PITPNM3: variants seen among roughly 807,000 people sequenced by gnomAD.
PITPNM3 encodes PITPNM family member 3, also known as membrane-associated phosphatidylinositol transfer protein 3.
PITPNM3 carries 26 observed loss-of-function variants against 102.0 expected under a neutral mutation model. The observed-to-expected ratio is 0.25, with a 90% CI of 0.19 to 0.35. The LOEUF is 0.35. PITPNM3 is among the 10% of genes least tolerant of loss of function. PITPNM3 has a pLI of 1.00. For synonymous variants in PITPNM3, 578 were observed against 558.6 expected (o/e 1.03, Z -0.49); for missense variants, 1,083 against 1,346.1 (o/e 0.80, Z 3.06).
intron 3 of PITPNM3, among the ~76,000 whole-genome samples, chr17:6,508,747 C>G (rs1008109581): frequency 5.3e-5 from 8 of 152,166 alleles, no homozygotes; most frequent in Non-Finnish European, 8.8e-5. Flanking sequence ...GCTGGTGAGG[C>G]CACCGACGGG....
chr17:6,474,451 C>G lies in PITPNM3; in HGVS notation c.1239G>C (p.Thr413=). The change falls in exon 10 of 20, where the codon ACG becomes ACC. Residue 413 remains threonine (T), a synonymous_variant. Coordinates refer to ENST00000262483, the MANE Select transcript of PITPNM3 (RefSeq NM_031220.4). ...CCCTACCGTCCAGCCCAGGCAGCAC[C>G]GTCCTCCGCATGGCCAGGACCAGGC... The part of the protein sequence containing the change: ...PLGLVLAMRR[T]VLPGLDGFQV... 1 of 1,613,452 alleles carries G rather than the reference C, an allele frequency of 6.2e-7. No individual in the cohort carries two copies. The highest frequency in any genetic ancestry group is 8.5e-7 in the Non-Finnish European group (1 of 1,179,942).
At chr17:6,495,157 C>T (rs1187381178) in intron 4 of PITPNM3, among the ~76,000 whole-genome samples, 2 of 152,150 alleles carry the variant, frequency 1.3e-5, no homozygotes, top group Non-Finnish European at 2.9e-5. Context: ...ATAATCTTTT[C>T]TTCTAGGGAG....
chr17:6,543,637 C>T (rs926025738), intron 1 of PITPNM3, among the ~76,000 whole-genome samples: 4 of 152,212 alleles, frequency 2.6e-5, no homozygotes, highest in Admixed American at 1.3e-4. Flanking sequence ...TGGAACAGTC[C>T]CTGCCCTCAG....
At chr17:6,553,329 T>C (rs1910418216) in intron 1 of PITPNM3, among the ~76,000 whole-genome samples, 1 of 152,172 alleles carries the variant, frequency 6.6e-6, no homozygotes, top group Non-Finnish European at 1.5e-5. Flanking sequence ...TGAGAACTGG[T>C]AATAACCCAT....
At chr17:6,546,467 A>G (rs772485477) in intron 1 of PITPNM3, among the ~76,000 whole-genome samples, 1 of 152,224 alleles carries the variant, frequency 6.6e-6, no homozygotes, top group Non-Finnish European at 1.5e-5. Context: ...CCGTGGCCCA[A>G]ACCTCAACCT....
intron 1 of PITPNM3, among the ~76,000 whole-genome samples, chr17:6,552,969 A>G (rs575798528): frequency 6.6e-6 from 1 of 150,944 alleles, no homozygotes; most frequent in Non-Finnish European, 1.5e-5. Flanking sequence ...ACGGGGTTTC[A>G]CCGTGTTAGC....
chr17:6,482,810 T>C (rs1264361052), intron 6 of PITPNM3, among the ~76,000 whole-genome samples: 2 of 152,148 alleles, frequency 1.3e-5, no homozygotes, highest in African/African-American at 4.8e-5. Context: ...TTGACTGTTA[T>C]GGTGTGAGAG....
intron 2 of PITPNM3, among the ~76,000 whole-genome samples, chr17:6,533,245 A>T (rs566145449): frequency 6.6e-6 from 1 of 152,008 alleles, no homozygotes; most frequent in South Asian, 2.1e-4. Flanking sequence ...TACAGGCATG[A>T]GCGACCATGC....
chr17:6,494,483 C>A (rs1001056319), intron 4 of PITPNM3, among the ~76,000 whole-genome samples: 1 of 152,232 alleles, frequency 6.6e-6, no homozygotes, highest in Admixed American at 6.5e-5. Flanking sequence ...CCAGCCCATG[C>A]GCACCTGCAC....
intron 14 of PITPNM3, among the ~76,000 whole-genome samples, chr17:6,467,424 T>C (rs1028616119): frequency 1.2e-4 from 18 of 152,222 alleles, no homozygotes; most frequent in African/African-American, 3.4e-4. Flanking sequence ...AAACTGACCA[T>C]GGTAATGGTT....
chr17:6,476,005 AG>A (rs1905283802), intron 9 of PITPNM3, among the ~76,000 whole-genome samples: 1 of 152,244 alleles, frequency 6.6e-6, no homozygotes, highest in African/African-American at 2.4e-5. Context: ...TGTTCACTGT[AG>A]GGCTATTTAT....
intron 1 of PITPNM3, among the ~76,000 whole-genome samples, chr17:6,553,858 A>G (rs1910452752): frequency 6.6e-6 from 1 of 152,098 alleles, no homozygotes; most frequent in African/African-American, 2.4e-5. Flanking sequence ...CTTGGGCCTC[A>G]GTTTCCCCAG....
Position 6,452,507 on chromosome 17 carries a change from A to C in PITPNM3, c.*2831T>G, listed in dbSNP as rs1167172414. On this transcript the variant is annotated 3_prime_UTR_variant, in exon 20 of 20. Transcript: ENST00000262483. ...AAACAGCTGGATTGGGGGTCACAGAACTACTCAAGGAGAGGCAGCAGCACC... is the reference window on the plus strand; with the variant it reads ...AAACAGCTGGATTGGGGGTCACAGACCTACTCAAGGAGAGGCAGCAGCACC... 6.6e-6 allele frequency: 1 copy of C among 152,218 alleles called. No individual in the cohort carries two copies. The highest frequency in any genetic ancestry group is 1.5e-5 in the Non-Finnish European group (1 of 68,044). The allele number at this position is 152,218 out of a possible 1,614,324, so 9.4% of individuals were successfully genotyped here.
chr17:6,523,470 T>C (rs1294915562), intron 3 of PITPNM3, among the ~76,000 whole-genome samples: 1 of 152,112 alleles, frequency 6.6e-6, no homozygotes, highest in East Asian at 1.9e-4. Context: ...TGCTTCCTCG[T>C]CCCCTGCCCT....
At chr17:6,466,166 C>G (rs944616230) in intron 14 of PITPNM3, among the ~76,000 whole-genome samples, 3 of 152,212 alleles carry the variant, frequency 2.0e-5, no homozygotes, top group Non-Finnish European at 4.4e-5. Flanking sequence ...GTCCCGCCCC[C>G]CACACTGGCT....
chr17:6,487,678 G>T (rs1271798518), intron 4 of PITPNM3, among the ~76,000 whole-genome samples: 2 of 152,178 alleles, frequency 1.3e-5, no homozygotes, highest in Non-Finnish European at 2.9e-5. Context: ...GTTAGGTGGG[G>T]GCTGGACTCT....
At chr17:6,463,385 C>T (rs544190626) in intron 17 of PITPNM3, among the ~76,000 whole-genome samples, 2 of 93,458 alleles carry the variant, frequency 2.1e-5, no homozygotes, top group Admixed American at 1.1e-4. Flanking sequence ...CACAGGGGGC[C>T]TCAGAAAGCA....
chr17:6,503,035 C>A (rs1207080906), intron 4 of PITPNM3, among the ~76,000 whole-genome samples: 1 of 152,208 alleles, frequency 6.6e-6, no homozygotes, highest in Non-Finnish European at 1.5e-5. Context: ...TGAGGATCAT[C>A]ACCCCGGGCA....
At chr17:6,492,311 C>T (rs934296573) in intron 4 of PITPNM3, among the ~76,000 whole-genome samples, 1 of 152,136 alleles carries the variant, frequency 6.6e-6, no homozygotes, top group Non-Finnish European at 1.5e-5. Context: ...GATCTGCCCA[C>T]CTCAGCCTCC....
Sources: gnomAD v4.1 joint callset for allele counts (sites outside exome capture counted in the v4.1 genomes callset) on GRCh38, gnomAD v4.1.1 for gene constraint, MANE v1.5 for transcripts, NCBI Gene and HGNC (gene_info 2026-07-23, HGNC 2026-07-21) for gene names.